The following DENND2A variants were observed in gnomAD, a reference collection of about 807,000 sequenced individuals.
DENND2A encodes DENN domain-containing protein 2A.
In DENND2A, 53 loss-of-function variants were observed where a neutral mutation model predicts 105.3. The observed-to-expected ratio is 0.50, with a 90% CI of 0.40 to 0.63. The LOEUF (loss-of-function observed/expected upper bound fraction) is 0.63. DENND2A is among the 30% of genes least tolerant of loss of function. The pLI, the probability that DENND2A is intolerant of heterozygous loss-of-function variation, is 0.00. For synonymous variants in DENND2A, 522 were observed against 508.4 expected (o/e 1.03, Z -0.36); for missense variants, 1,138 against 1,279.6 (o/e 0.89, Z 1.69).
Position 140,527,286 on chromosome 7 carries a change from A to T in DENND2A, c.2505+32T>A. On this transcript the variant is annotated intron_variant, in intron 15 of 19. Transcript: ENST00000496613. The surrounding 1 kb of genome is among the most constrained non-coding windows in gnomAD (Gnocchi z 4.9). ...CCCCGCTCTGTTCTCCGCACCCTGC[A>T]GGGAGGGGGACAGGGCTGAGTGGGA... 6.5e-7 allele frequency: 1 copy of T among 1,542,296 alleles called. No homozygotes were observed. Among genetic ancestry groups the T allele is most frequent in the Non-Finnish European group, 8.8e-7 (1 of 1,141,622 alleles).
intron 1 of DENND2A, among the ~76,000 whole-genome samples, chr7:140,623,315 CAA>C (rs11321461): frequency 0.021 from 1,600 of 74,832 alleles, 18 homozygotes; most frequent in African/African-American, 0.064. Flanking sequence ...GCTCTATCTC[CAA>C]AAAAAAAAAA....
chr7:140,569,845 G>T, intron 6 of DENND2A, 107 bp from the exon 7 acceptor site: 1 of 767,282 alleles, frequency 1.3e-6, no homozygotes, highest in Non-Finnish European at 2.3e-6. Flanking sequence ...CCAGGGCCAG[G>T]GGGAGTGGGA....
intron 9 of DENND2A, among the ~76,000 whole-genome samples, chr7:140,563,063 T>A (rs1401126640): frequency 6.6e-6 from 1 of 152,126 alleles, no homozygotes; most frequent in Non-Finnish European, 1.5e-5. Context: ...ACAGAGTGAA[T>A]GACTTAAATT....
At chr7:140,598,620 A>G (rs533199294) in intron 3 of DENND2A, among the ~76,000 whole-genome samples, 44 of 152,314 alleles carry the variant, frequency 2.9e-4, no homozygotes, top group African/African-American at 9.1e-4. Flanking sequence ...ATACACATAT[A>G]TATACACACA....
chr7:140,635,960 A>G (rs1023928383), intron 1 of DENND2A, among the ~76,000 whole-genome samples: 2 of 152,210 alleles, frequency 1.3e-5, no homozygotes, highest in African/African-American at 4.8e-5. Context: ...TGAAAAGTAG[A>G]GAACTTAGCT....
intron 1 of DENND2A, among the ~76,000 whole-genome samples, chr7:140,624,085 G>A (rs1800409247): frequency 6.6e-6 from 1 of 152,220 alleles, no homozygotes; most frequent in Non-Finnish European, 1.5e-5. Context: ...GAGGAGCTGA[G>A]CTGACAGGAG....
chr7:140,518,497 C>G lies in DENND2A; in HGVS notation c.*210G>C, dbSNP rs191081679. The stretch of plus-strand genomic sequence containing the variant: ...ACAACCCATTTGCATGTCGGCGACA[C>G]GCCTGGTCTCGGGCTCCCTTTCTGG... On this transcript the variant is annotated 3_prime_UTR_variant, in exon 20 of 20. Coordinates refer to ENST00000496613, the MANE Select transcript of DENND2A (RefSeq NM_015689.5). The G allele has an allele frequency of 4.2e-6, 2 of 478,988 alleles. No homozygotes were observed. The highest frequency in any genetic ancestry group is 6.7e-5 in the East Asian group (2 of 29,916). 29.7% of individuals were successfully genotyped at this position (478,988 alleles called of 1,614,324 possible).
intron 5 of DENND2A, among the ~76,000 whole-genome samples, chr7:140,584,662 C>G (rs1798702258): frequency 6.6e-6 from 1 of 152,192 alleles, no homozygotes; most frequent in African/African-American, 2.4e-5. Flanking sequence ...GTCAGCCTTC[C>G]CCCTGCCCTC....
chr7:140,549,827 C>T (rs777669187), intron 12 of DENND2A, among the ~76,000 whole-genome samples: 6 of 151,940 alleles, frequency 3.9e-5, no homozygotes, highest in Non-Finnish European at 7.4e-5. Flanking sequence ...TCACAATGGC[C>T]ACAACGTGGA....
intron 13 of DENND2A, among the ~76,000 whole-genome samples, chr7:140,545,773 C>T (rs185402805): frequency 9.2e-5 from 14 of 152,306 alleles, no homozygotes; most frequent in South Asian, 6.2e-4. Flanking sequence ...GCCTCCCTCC[C>T]GGTGAGCAGA....
intron 17 of DENND2A, 140 bp from the exon 18 acceptor site, chr7:140,522,240 AC>A: frequency 9.2e-7 from 1 of 1,091,200 alleles, no homozygotes; most frequent in Non-Finnish European, 1.3e-6. Flanking sequence ...GAGGAGGGTT[AC>A]CCAGGTTATT....
chr7:140,594,994 G>A (rs1309150922), intron 3 of DENND2A, among the ~76,000 whole-genome samples: 3 of 151,826 alleles, frequency 2.0e-5, no homozygotes, highest in Admixed American at 6.6e-5. Flanking sequence ...GATTACAGGC[G>A]TGAGCCACCT....
In DENND2A at chr7:140,601,635, C is replaced by T. The variant is rs748534835; in HGVS notation, c.763G>A (p.Glu255Lys). 1.5e-5 allele frequency: 24 copies of T among 1,612,992 alleles called. No homozygotes were observed. The Admixed American group carries it at 3.7e-4, about 25-fold the overall frequency. ...RSLENVYRGSEGSPTKPFINP... is the reference protein window; with the variant it reads ...RSLENVYRGSKGSPTKPFINP... ...ATGAAGGGCTTTGTGGGGGAACCCT[C>T]CGAGCCCCTATACACGTTCTCAAGG... Residue 255 changes from glutamate to lysine, a missense_variant, in exon 3 of 20, where the codon GAG becomes AAG. By Grantham distance (56) the Glu-to-Lys change is moderately conservative. Around this residue, in one of 2 missense-constraint regions of DENND2A, gnomAD observed 511 missense variants for 499.9 expected, o/e 1.02. Coordinates refer to ENST00000496613, the MANE Select transcript of DENND2A (RefSeq NM_015689.5).
chr7:140,630,017 T>C (rs2130735776), intron 1 of DENND2A, among the ~76,000 whole-genome samples: 2 of 152,098 alleles, frequency 1.3e-5, no homozygotes, highest in South Asian at 2.1e-4. Context: ...CCTGCCACCA[T>C]GCCCGGCTAA....
chr7:140,522,204 C>T, intron 17 of DENND2A, 104 bp from the exon 18 acceptor site: 4 of 1,434,396 alleles, frequency 2.8e-6, no homozygotes, highest in Non-Finnish European at 3.8e-6. Context: ...CTGCTAGTTC[C>T]CTTGATGGAA....
At chr7:140,605,576 A>C (rs1029391465) in intron 2 of DENND2A, 129 bp downstream of exon 2, 1 of 152,312 alleles carries the variant, frequency 6.6e-6, no homozygotes, top group Non-Finnish European at 1.5e-5. Flanking sequence ...GGCGGTCTGC[A>C]GGAGGCTCAT....
At chr7:140,627,583 G>A (rs1442122904) in intron 1 of DENND2A, among the ~76,000 whole-genome samples, 7 of 151,602 alleles carry the variant, frequency 4.6e-5, no homozygotes, top group Non-Finnish European at 1.0e-4. Flanking sequence ...TTGCAGTGGT[G>A]CAATCACAGT....
At chr7:140,613,357 T>C (rs1799968863) in intron 1 of DENND2A, among the ~76,000 whole-genome samples, 1 of 151,654 alleles carries the variant, frequency 6.6e-6, no homozygotes, top group Admixed American at 6.6e-5. Context: ...CTGGCTAACA[T>C]GGTGAAACCC....
intron 12 of DENND2A, among the ~76,000 whole-genome samples, chr7:140,548,152 C>T (rs1796980715): frequency 6.6e-6 from 1 of 152,074 alleles, no homozygotes; most frequent in Admixed American, 6.6e-5. Flanking sequence ...CCTTCAACTT[C>T]TGGGCTCAAG....
Sources: allele counts gnomAD v4.1 joint callset (sites outside exome capture counted in the v4.1 genomes callset), GRCh38; gene constraint gnomAD v4.1.1; regional missense constraint gnomAD v4.1.1; non-coding constraint Gnocchi (gnomAD v3.1); transcripts MANE v1.5; gene names NCBI Gene and HGNC (gene_info 2026-07-23, HGNC 2026-07-21).